The following IKZF1 variants were observed in gnomAD, a reference collection of about 807,000 sequenced individuals.
IKZF1 encodes DNA-binding protein Ikaros.
A neutral mutation model predicts 51.7 loss-of-function variants in IKZF1; 10 were observed. The observed-to-expected ratio is 0.19, with a 90% CI of 0.12 to 0.33. IKZF1 has a LOEUF of 0.33. Ranked by LOEUF, IKZF1 falls within the 10% of genes least tolerant of loss-of-function variation. The pLI is 1.00. For synonymous variants in IKZF1, 280 were observed against 282.3 expected (o/e 0.99, Z 0.08); for missense variants, 484 against 707.5 (o/e 0.68, Z 3.58).
At chr7:50,333,075 A>G (rs1302373347) in intron 3 of IKZF1, among the ~76,000 whole-genome samples, 17,766 of 149,712 alleles carry the variant, frequency 0.12, 1,146 homozygotes, top group African/African-American at 0.18. Flanking sequence ...GATTTACCCT[A>G]GCCTAATTGA....
At position 50,403,589 on chromosome 7, in the gene IKZF1, G is replaced by A. The variant is rs1212095086; in HGVS notation, c.*2962G>A. On this transcript the variant is annotated 3_prime_UTR_variant, in exon 8 of 8. Coordinates refer to ENST00000331340, the MANE Select transcript of IKZF1 (RefSeq NM_006060.6). Reference sequence around the variant, plus strand: ...TTGCCCCATATCCCTTCTGTAATTTGTACCTAAAGAGTGTGATTATCCTAA... The same window carrying A: ...TTGCCCCATATCCCTTCTGTAATTTATACCTAAAGAGTGTGATTATCCTAA... The A allele has an allele frequency of 4.4e-6, 1 of 229,044 alleles. No homozygotes were observed. The highest frequency in any genetic ancestry group is 1.8e-4 in the South Asian group (1 of 5,492). 14.2% of individuals were successfully genotyped at this position (229,044 alleles called of 1,614,324 possible).
rs775854464 is a variant in IKZF1, at chr7:50,401,509, T to G, written c.*882T>G. 31 of 224,290 alleles carry G rather than the reference T, an allele frequency of 1.4e-4. No individual in the cohort carries two copies. Among genetic ancestry groups the G allele is most frequent in the Non-Finnish European group, 4.4e-5 (5 of 112,402 alleles). 13.9% of individuals were successfully genotyped at this position (224,290 alleles called of 1,614,324 possible). ...ACAATTTAAACACCAGTCCCGAAAT[T>G]TGGATCTTCTTTCTTTTTGAATCTC... On this transcript the variant is annotated 3_prime_UTR_variant, in exon 8 of 8. Transcript: ENST00000331340.
At chr7:50,388,996 A>G (rs1312376941) in intron 6 of IKZF1, among the ~76,000 whole-genome samples, 4 of 152,252 alleles carry the variant, frequency 2.6e-5, no homozygotes, top group Non-Finnish European at 5.9e-5. Context: ...AAAATGAACA[A>G]AAGAAACAGA....
intron 2 of IKZF1, among the ~76,000 whole-genome samples, chr7:50,322,621 G>A (rs1048507564): frequency 1.3e-5 from 2 of 152,030 alleles, no homozygotes; most frequent in Non-Finnish European, 2.9e-5. Flanking sequence ...TAATTCTTTG[G>A]GTAAAGCGTA....
At chr7:50,396,168 T>G (rs1468126396) in intron 7 of IKZF1, among the ~76,000 whole-genome samples, 4 of 152,140 alleles carry the variant, frequency 2.6e-5, no homozygotes, top group African/African-American at 9.7e-5. Flanking sequence ...TATTGTGATC[T>G]CTGTTGAGGG....
intron 3 of IKZF1, among the ~76,000 whole-genome samples, chr7:50,361,801 G>A (rs1236748433): frequency 5.3e-5 from 8 of 152,184 alleles, no homozygotes; most frequent in Admixed American, 3.3e-4. Flanking sequence ...ACTTGAACCC[G>A]GGAGGAGGAG....
rs1451333500 is a variant in IKZF1 at position 50,399,975 on chromosome 7, A to G, written c.908A>G (p.Asn303Ser). 1.9e-6 allele frequency: 3 copies of G among 1,613,574 alleles called. No individual in the cohort carries two copies. The Admixed American group carries it at 5.0e-5, about 27-fold the overall frequency. Residue 303 changes from asparagine to serine, a missense_variant, in exon 8 of 8, where the codon AAC (asparagine) becomes AGC (serine). Coordinates refer to ENST00000331340, the MANE Select transcript of IKZF1 (RefSeq NM_006060.6). The part of the protein sequence containing the change: ...YDSSASYEKE[N>S]EMMKSHVMDQ... Reference sequence around the variant, plus strand: ...AGCAGCGCCAGCTACGAGAAGGAGAACGAAATGATGAAGTCCCACGTGATG... The same window carrying G: ...AGCAGCGCCAGCTACGAGAAGGAGAGCGAAATGATGAAGTCCCACGTGATG...
At chr7:50,383,323 T>C (rs1317953888) in intron 5 of IKZF1, among the ~76,000 whole-genome samples, 1 of 152,162 alleles carries the variant, frequency 6.6e-6, no homozygotes, top group Non-Finnish European at 1.5e-5. Context: ...ACCCACATAA[T>C]CTGGAGTCTT....
At position 50,330,641 on chromosome 7, in the gene IKZF1, C is replaced by T. The variant is rs567268917; in HGVS notation, c.160+2884C>T. 4.6e-5 allele frequency among the ~76,000 whole-genome samples: 7 copies of T among 152,180 alleles called. No homozygotes were observed. In the South Asian group the frequency reaches 1.5e-3, roughly 32 times the overall value. On this transcript the variant is annotated intron_variant, in intron 3 of 7. Coordinates refer to ENST00000331340, the MANE Select transcript of IKZF1 (RefSeq NM_006060.6). ...CTTTCATATGTGGTGACAGGCTGTT[C>T]ATTAATTTGTAGTGTACAGCATTAA...
intron 6 of IKZF1, among the ~76,000 whole-genome samples, chr7:50,390,198 G>A (rs989582197): frequency 2.0e-5 from 3 of 152,156 alleles, no homozygotes; most frequent in Non-Finnish European, 4.4e-5. Flanking sequence ...ATTGACTCTG[G>A]GGGGTGGAGG....
intron 3 of IKZF1, among the ~76,000 whole-genome samples, chr7:50,374,420 G>A (rs2153463882): frequency 6.6e-6 from 1 of 152,202 alleles, no homozygotes; most frequent in East Asian, 1.9e-4. Context: ...GGATGCTGGG[G>A]CCAGGCTGCC....
intron 3 of IKZF1, among the ~76,000 whole-genome samples, chr7:50,356,870 A>T: frequency 6.6e-6 from 1 of 151,740 alleles, no homozygotes; most frequent in South Asian, 2.1e-4. Flanking sequence ...CCAGGGTGGG[A>T]CGGTGTCTCT....
intron 3 of IKZF1, among the ~76,000 whole-genome samples, chr7:50,344,414 C>T (rs1799837355): frequency 6.6e-6 from 1 of 152,190 alleles, no homozygotes; most frequent in African/African-American, 2.4e-5. Context: ...TGTTTCTAAG[C>T]CAGGTTCCTT....
At chr7:50,395,527 C>T (rs1011793579) in intron 7 of IKZF1, among the ~76,000 whole-genome samples, 1 of 152,144 alleles carries the variant, frequency 6.6e-6, no homozygotes, top group Admixed American at 6.5e-5. Flanking sequence ...TATTCCAGTT[C>T]ACATTCAGTG....
At chr7:50,303,592 G>A (rs1788079166), upstream of IKZF1, among the ~76,000 whole-genome samples, 1 of 152,096 alleles carries the variant, frequency 6.6e-6, no homozygotes, top group South Asian at 2.1e-4. This position sits in a 1 kb window ranked among gnomAD's most constrained non-coding sequence, Gnocchi z 4.7. Flanking sequence ...CTCCCTTGCG[G>A]AGGATCAACT....
At position 50,403,102 on chromosome 7, in the gene IKZF1, C is replaced by G. The variant is rs1361608549; in HGVS notation, c.*2475C>G. 9.0e-6 allele frequency: 2 copies of G among 222,882 alleles called. No individual in the cohort carries two copies. The highest frequency in any genetic ancestry group is 4.5e-5 in the African/African-American group (2 of 44,796). 13.8% of individuals were successfully genotyped at this position (222,882 alleles called of 1,614,324 possible). A position where few individuals can be genotyped will look rare whatever the true frequency, so the allele number is the denominator to read the frequency against. The stretch of plus-strand genomic sequence containing the variant: ...GAATTCTTTTCTAAACTGCTTTGCC[C>G]TTTCCTCTCACTGCCTTTTATAGCC... On this transcript the variant is annotated 3_prime_UTR_variant, in exon 8 of 8. Coordinates refer to ENST00000331340, the MANE Select transcript of IKZF1 (RefSeq NM_006060.6).
At chr7:50,319,184 A>G (rs1262490975) in intron 2 of IKZF1, 83 bp downstream of exon 2, 10 of 1,139,956 alleles carry the variant, frequency 8.8e-6, no homozygotes, top group African/African-American at 3.1e-5. Flanking sequence ...TGGTATGCTC[A>G]TGGGGGAGGA....
intron 3 of IKZF1, among the ~76,000 whole-genome samples, chr7:50,331,208 A>C (rs1796372050): frequency 6.6e-6 from 1 of 152,186 alleles, no homozygotes; most frequent in African/African-American, 2.4e-5. Context: ...ACTTGGGAAA[A>C]GGGAGAGAAC....
intron 1 of IKZF1, among the ~76,000 whole-genome samples, chr7:50,305,470 T>C (rs1788568327): frequency 1.3e-5 from 2 of 152,202 alleles, no homozygotes; most frequent in Non-Finnish European, 2.9e-5. Context: ...ATTTGAAATG[T>C]ATTTTAAATA....
Sources: allele counts gnomAD v4.1 joint callset (sites outside exome capture counted in the v4.1 genomes callset), GRCh38; gene constraint gnomAD v4.1.1; non-coding constraint Gnocchi (gnomAD v3.1); transcripts MANE v1.5; gene names NCBI Gene and HGNC (gene_info 2026-07-23, HGNC 2026-07-21).